The following HAND1 variants were observed in gnomAD, a reference collection of about 807,000 sequenced individuals.
The protein encoded by HAND1 is heart and neural crest derivatives expressed 1.
In HAND1, 10 loss-of-function variants were observed where a neutral mutation model predicts 14.5. The ratio of observed to expected loss-of-function variants is 0.69; its 90% confidence interval spans 0.42 to 1.17. The LOEUF (loss-of-function observed/expected upper bound fraction) is 1.17. HAND1 is among the 50% of genes most tolerant of loss of function. The probability of loss-of-function intolerance (pLI) is 0.00; values close to 1 mark genes in which losing one functional copy is unlikely to be tolerated. For synonymous variants in HAND1, 128 were observed against 127.1 expected (o/e 1.01, Z -0.05); for missense variants, 299 against 298.4 (o/e 1.00, Z -0.01).
Position 154,478,218 on chromosome 5 carries a change from T to C in HAND1, c.-210A>G. 2 of 612,964 alleles carry C rather than the reference T, an allele frequency of 3.3e-6. No individual in the cohort carries two copies. The highest frequency in any genetic ancestry group is 8.7e-4 in the Middle Eastern group (2 of 2,290). 38.0% of individuals were successfully genotyped at this position (612,964 alleles called of 1,614,324 possible). On this transcript the variant is annotated 5_prime_UTR_variant, in exon 1 of 2. Coordinates refer to ENST00000231121, the MANE Select transcript of HAND1 (RefSeq NM_004821.3). The surrounding 1 kb of genome is among the most constrained non-coding windows in gnomAD (Gnocchi z 4.5). ...GGTCGCCGAAGCCCAAAGACCTGTT[T>C]AACCCTTCTGCGGACTCCCCTGCGG...
chr5:154,476,237 G>T (rs962990695), intron 1 of HAND1, among the ~76,000 whole-genome samples: 1 of 152,052 alleles, frequency 6.6e-6, no homozygotes, highest in Non-Finnish European at 1.5e-5. Context: ...TGGAAGGGAG[G>T]GGTGGAAATC....
At chr5:154,476,087 T>C (rs1757536933) in intron 1 of HAND1, among the ~76,000 whole-genome samples, 177 bp from the exon 2 acceptor site, 1 of 152,124 alleles carries the variant, frequency 6.6e-6, no homozygotes, top group African/African-American at 2.4e-5. Context: ...GCTCGTAAAT[T>C]TGCCTTTATG....
At position 154,475,839 on chromosome 5, in the gene HAND1, C is replaced by A. The variant is rs368908340; in HGVS notation, c.615G>T (p.Pro205=). Residue 205 remains proline, a synonymous_variant, in exon 2 of 2, where the codon CCG becomes CCT. Coordinates refer to ENST00000231121, the MANE Select transcript of HAND1 (RefSeq NM_004821.3). ...TTAACTCCAGCGCCCAGACTTGCTG[C>A]GGCCAGCCGGTGCGTCCTTTAATCC... ...EKRIKGRTGW[P]QQVWALELNQ 16 of 1,613,724 alleles carry A rather than the reference C, an allele frequency of 9.9e-6. No homozygotes were observed. The highest frequency in any genetic ancestry group is 8.0e-5 in the African/African-American group (6 of 75,038).
In HAND1 at chr5:154,477,558, C is replaced by G; in HGVS notation, c.451G>C (p.Ala151Pro). The change falls in exon 1 of 2, where the codon GCC becomes CCC. Residue 151 changes from alanine to proline, a missense_variant. Coordinates refer to ENST00000231121, the MANE Select transcript of HAND1 (RefSeq NM_004821.3). ...SYIAYLMDVLAKDAQSGDPEA... is the reference protein window; with the variant it reads ...SYIAYLMDVLPKDAQSGDPEA... ...GGATCGCCAGACTGTGCATCCTTGGCCAGCACGTCCATCAGGTAGGCGATG... is the reference window on the plus strand; with the variant it reads ...GGATCGCCAGACTGTGCATCCTTGGGCAGCACGTCCATCAGGTAGGCGATG... The G allele has an allele frequency of 6.2e-7, 1 of 1,614,216 alleles. No homozygotes were observed.
In HAND1 at chr5:154,475,710, G is replaced by A; in HGVS notation, c.*96C>T. 1 of 908,772 alleles carries A rather than the reference G, an allele frequency of 1.1e-6. No individual in the cohort carries two copies. Among genetic ancestry groups the A allele is most frequent in the Non-Finnish European group, 1.8e-6 (1 of 553,754 alleles). 56.3% of individuals were successfully genotyped at this position (908,772 alleles called of 1,614,324 possible). On this transcript the variant is annotated 3_prime_UTR_variant, in exon 2 of 2. Transcript: ENST00000231121. Reference sequence around the variant, plus strand: ...CTCCGCGGGATGCGTAGCACCAGTCGCCGGAGCCCAGAGCCTGGCGTTCGC... The same window carrying A: ...CTCCGCGGGATGCGTAGCACCAGTCACCGGAGCCCAGAGCCTGGCGTTCGC...
At position 154,477,644 on chromosome 5, in the gene HAND1, G is replaced by A; in HGVS notation, c.365C>T (p.Pro122Leu). The A allele has an allele frequency of 6.2e-7, 1 of 1,614,246 alleles. No individual in the cohort carries two copies. Residue 122 changes from proline to leucine, a missense_variant, in exon 1 of 2, where the codon CCC (proline) becomes CTC (leucine). Coordinates refer to ENST00000231121, the MANE Select transcript of HAND1 (RefSeq NM_004821.3). Reference sequence around the variant, plus strand: ...GAGCTTGGTGTCGGCCGGCACGTTGGGGATGCACTCGCGCAACTCCGCGAA... The same window carrying A: ...GAGCTTGGTGTCGGCCGGCACGTTGAGGATGCACTCGCGCAACTCCGCGAA... Reference protein sequence around the residue: ...SAFAELRECIPNVPADTKLSK... With the variant: ...SAFAELRECILNVPADTKLSK...
chr5:154,475,670 G>T lies in HAND1; in HGVS notation c.*136C>A, dbSNP rs1757529473. Reference sequence around the variant, plus strand: ...GTGTGGTTGCAGCCGACGACCTGCCGGCGCTCAGCAGAAGCTCCGCGGGAT... The same window carrying T: ...GTGTGGTTGCAGCCGACGACCTGCCTGCGCTCAGCAGAAGCTCCGCGGGAT... On this transcript the variant is annotated 3_prime_UTR_variant, in exon 2 of 2. Transcript: ENST00000231121. 1.0e-5 allele frequency: 7 copies of T among 695,334 alleles called. No homozygotes were observed. In the Admixed American group the frequency reaches 1.6e-4, roughly 16 times the overall value. The allele number at this position is 695,334 out of a possible 1,614,324, so 43.1% of individuals were successfully genotyped here.
At position 154,475,009 on chromosome 5, in the gene HAND1, C is replaced by T. The variant is rs1371242846; in HGVS notation, c.*797G>A. 1 of 152,584 alleles carries T rather than the reference C, an allele frequency of 6.6e-6. No individual in the cohort carries two copies. 9.5% of individuals were successfully genotyped at this position (152,584 alleles called of 1,614,324 possible). On this transcript the variant is annotated 3_prime_UTR_variant, in exon 2 of 2. Transcript: ENST00000231121. Reference sequence around the variant, plus strand: ...ATGTTTTATTAATCAAGAGCATAGACACTGCTTTGGCGAAGGGAGGGGGGC... The same window carrying T: ...ATGTTTTATTAATCAAGAGCATAGATACTGCTTTGGCGAAGGGAGGGGGGC...
chr5:154,476,682 C>G (rs898945596), intron 1 of HAND1, among the ~76,000 whole-genome samples: 19 of 152,192 alleles, frequency 1.2e-4, no homozygotes, highest in African/African-American at 4.1e-4. Flanking sequence ...CCGCTACGGC[C>G]TTAAGCCCCC....
rs1231168933 is a variant in HAND1, at chr5:154,477,691, GCGTCTC to G, written c.312_317del (p.Arg105_Arg106del). The G allele has an allele frequency of 1.2e-6, 2 of 1,614,210 alleles. No individual in the cohort carries two copies. The highest frequency in any genetic ancestry group is 1.3e-5 in the African/African-American group (1 of 75,068). ...CGAATGCGCTGTTAATGCTCTCAGT[GCGTCTC>G]CGCTCCTTCTTGGGTCCTGAGCCTT... is the stretch of plus-strand genomic sequence containing the variant. On this transcript the variant is annotated inframe_deletion, in exon 1 of 2. Coordinates refer to ENST00000231121, the MANE Select transcript of HAND1 (RefSeq NM_004821.3).
Position 154,477,953 on chromosome 5 carries a change from G to T in HAND1, c.56C>A (p.Ala19Glu). The T allele has an allele frequency of 1.9e-6, 3 of 1,598,388 alleles. No individual in the cohort carries two copies. The highest frequency in any genetic ancestry group is 2.5e-6 in the Non-Finnish European group (3 of 1,179,832). ...GAAGGGTTCGTGGAGCATGGGGTGC[G>T]CAGGGTGCGGGTGGTGATGGTGGTG... ...HHHHHHHPHP[A>E]HPMLHEPFLF... The change falls in exon 1 of 2, where the codon GCG becomes GAG. Residue 19 changes from alanine (A) to glutamate (E), a missense_variant. Ala to Glu is a moderately radical substitution (Grantham distance 107). Coordinates refer to ENST00000231121, the MANE Select transcript of HAND1 (RefSeq NM_004821.3).
Position 154,475,462 on chromosome 5 carries a change from T to G in HAND1, c.*344A>C. ...TAGGGAAATGGAGATAGGGCTGAGG[T>G]TCTAAATTCGCTCCAAAAGGGTGGA... On this transcript the variant is annotated 3_prime_UTR_variant, in exon 2 of 2. Transcript: ENST00000231121. 1 of 337,714 alleles carries G rather than the reference T, an allele frequency of 3.0e-6. No homozygotes were observed. Among genetic ancestry groups the G allele is most frequent in the Non-Finnish European group, 5.6e-6 (1 of 178,146 alleles). 20.9% of individuals were successfully genotyped at this position (337,714 alleles called of 1,614,324 possible).
In HAND1 at chr5:154,478,226, C is replaced by T. The variant is rs1367450029; in HGVS notation, c.-218G>A. On this transcript the variant is annotated 5_prime_UTR_variant, in exon 1 of 2. Transcript: ENST00000231121. This position sits in a 1 kb window ranked among gnomAD's most constrained non-coding sequence, Gnocchi z 4.5. ...AAGCCCAAAGACCTGTTTAACCCTT[C>T]TGCGGACTCCCCTGCGGATCTGGCT... 8 of 600,380 alleles carry T rather than the reference C, an allele frequency of 1.3e-5. No individual in the cohort carries two copies. In the East Asian group the frequency reaches 2.2e-4, roughly 17 times the overall value. The allele number at this position is 600,380 out of a possible 1,614,324, so 37.2% of individuals were successfully genotyped here.
rs780969396 is a variant in HAND1, at chr5:154,477,848, G to C, written c.161C>G (p.Pro54Arg). 2.9e-5 allele frequency: 46 copies of C among 1,601,702 alleles called. No individual in the cohort carries two copies. The highest frequency in any genetic ancestry group is 3.8e-5 in the Non-Finnish European group (45 of 1,179,400). Residue 54 changes from proline to arginine, a missense_variant, in exon 1 of 2, where the codon CCG becomes CGG. Pro to Arg is a moderately radical substitution (Grantham distance 103, BLOSUM62 -2). Coordinates refer to ENST00000231121, the MANE Select transcript of HAND1 (RefSeq NM_004821.3). ...CGGCGGCCCGCCCGCAGGGAAGTCC[G>C]GGGCAGCGTCAGCCGGGCTCAGCAG... ...SWLLSPADAA[P>R]DFPAGGPPPA...
In HAND1 at chr5:154,475,875, T is replaced by G. The variant is rs1037877952; in HGVS notation, c.579A>C (p.Pro193=). The change falls in exon 2 of 2, where the codon CCA becomes CCC. Residue 193 remains proline (P), a synonymous_variant. Transcript: ENST00000231121. The part of the protein sequence containing the change: ...QHEGFPPALG[P]VEKRIKGRTG... ...TGCGTCCTTTAATCCTCTTCTCGAC[T>G]GGGCCCAGGGCAGGAGGAAAACCTT... The G allele has an allele frequency of 2.4e-5, 38 of 1,613,960 alleles. No individual in the cohort carries two copies. Among genetic ancestry groups the G allele is most frequent in the Non-Finnish European group, 3.1e-5 (36 of 1,179,948 alleles).
rs993990481 is a variant in HAND1, at chr5:154,475,710, G to T, written c.*96C>A. 4 of 908,770 alleles carry T rather than the reference G, an allele frequency of 4.4e-6. No individual in the cohort carries two copies. The highest frequency in any genetic ancestry group is 3.3e-5 in the African/African-American group (2 of 61,188). The allele number at this position is 908,770 out of a possible 1,614,324, so 56.3% of individuals were successfully genotyped here. Reference sequence around the variant, plus strand: ...CTCCGCGGGATGCGTAGCACCAGTCGCCGGAGCCCAGAGCCTGGCGTTCGC... The same window carrying T: ...CTCCGCGGGATGCGTAGCACCAGTCTCCGGAGCCCAGAGCCTGGCGTTCGC... On this transcript the variant is annotated 3_prime_UTR_variant, in exon 2 of 2. Coordinates refer to ENST00000231121, the MANE Select transcript of HAND1 (RefSeq NM_004821.3).
In HAND1 at chr5:154,477,822, G is replaced by A. The variant is rs772843786; in HGVS notation, c.187C>T (p.Pro63Ser). 2 of 1,593,310 alleles carry A rather than the reference G, an allele frequency of 1.3e-6. No individual in the cohort carries two copies. Among genetic ancestry groups the A allele is most frequent in the South Asian group, 2.2e-5 (2 of 90,722 alleles). Residue 63 changes from proline to serine, a missense_variant, in exon 1 of 2, where the codon CCC becomes TCC. Transcript: ENST00000231121. Reference sequence around the variant, plus strand: ...GCGGTGGCGGCTGCAGCGGCCGCGGGCGGCGGCCCGCCCGCAGGGAAGTCC... The same window carrying A: ...GCGGTGGCGGCTGCAGCGGCCGCGGACGGCGGCCCGCCCGCAGGGAAGTCC... Reference protein sequence around the residue: ...APDFPAGGPPPAAAAAATAYG... With the variant: ...APDFPAGGPPSAAAAAATAYG...
At chr5:154,477,314 G>A in intron 1 of HAND1, 152 bp downstream of exon 1, 2 of 701,436 alleles carry the variant, frequency 2.9e-6, no homozygotes, top group East Asian at 5.4e-5. Flanking sequence ...TCCATGCACA[G>A]GATCGCACGC....
rs774910795 is a variant in HAND1, at chr5:154,477,769, C to G, written c.240G>C (p.Gln80His). The G allele has an allele frequency of 6.2e-7, 1 of 1,604,978 alleles. No homozygotes were observed. Among genetic ancestry groups the G allele is most frequent in the Non-Finnish European group, 8.5e-7 (1 of 1,177,696 alleles). The change falls in exon 1 of 2, where the codon CAG becomes CAC. Residue 80 changes from glutamine to histidine, a missense_variant. By Grantham distance (24) the Gln-to-His change is conservative. Transcript: ENST00000231121. ...CAAGCGCCTCCAGCCGCCCGGGGCTCTGCCCAGGCCTGGCGTCAGGACCAT... is the reference window on the plus strand; with the variant it reads ...CAAGCGCCTCCAGCCGCCCGGGGCTGTGCCCAGGCCTGGCGTCAGGACCAT... The part of the protein sequence containing the change: ...TAYGPDARPG[Q>H]SPGRLEALGG...
Sources: allele counts gnomAD v4.1 joint callset (sites outside exome capture counted in the v4.1 genomes callset), GRCh38; gene constraint gnomAD v4.1.1; non-coding constraint Gnocchi (gnomAD v3.1); transcripts MANE v1.5; gene names NCBI Gene and HGNC (gene_info 2026-07-23, HGNC 2026-07-21).